The following RNF214 variants were observed in gnomAD, a reference collection of about 807,000 sequenced individuals.
RNF214 encodes the protein ring finger protein 214.
In RNF214, 25 loss-of-function variants were observed where a neutral mutation model predicts 75.9. That is an observed-to-expected ratio of 0.33 (90% confidence interval 0.24 to 0.46). The LOEUF is 0.46. RNF214 is among the 20% of genes least tolerant of loss of function. The pLI is 1.00. For synonymous variants in RNF214, 314 were observed against 308.8 expected (o/e 1.02, Z -0.18); for missense variants, 725 against 857.5 (o/e 0.85, Z 1.93).
In RNF214 at chr11:117,264,522, T is replaced by A. The variant is rs892794379; in HGVS notation, c.960-15386T>A. 2.6e-5 allele frequency among the ~76,000 whole-genome samples: 4 copies of A among 152,102 alleles called. No individual in the cohort carries two copies. The East Asian group carries it at 7.7e-4, about 29-fold the overall frequency. ...ACACCTACTATGTACCCACAAAAAT[T>A]AAAAATTAAAAAAATTGTTTTAAGT... On this transcript the variant is annotated intron_variant, in intron 6 of 14. Coordinates refer to ENST00000300650, the MANE Select transcript of RNF214 (RefSeq NM_207343.4).
chr11:117,285,663 G>A lies in RNF214; in HGVS notation c.*512G>A, dbSNP rs1185187665. ...ACTCTACTCCAAATGGATAAAATGAGACTCTGATTGAGGAAAAAAAAGTAA... is the reference window on the plus strand; with the variant it reads ...ACTCTACTCCAAATGGATAAAATGAAACTCTGATTGAGGAAAAAAAAGTAA... On this transcript the variant is annotated 3_prime_UTR_variant, in exon 15 of 15. Transcript: ENST00000300650. The A allele has an allele frequency of 1.3e-5, 2 of 152,628 alleles. No homozygotes were observed. The highest frequency in any genetic ancestry group is 4.8e-5 in the African/African-American group (2 of 41,406). The allele number at this position is 152,628 out of a possible 1,614,324, so 9.5% of individuals were successfully genotyped here.
intron 2 of RNF214, among the ~76,000 whole-genome samples, chr11:117,234,799 T>A (rs1451130457): frequency 6.6e-6 from 1 of 152,192 alleles, no homozygotes; most frequent in Non-Finnish European, 1.5e-5. Flanking sequence ...CATTGTTATG[T>A]ACAGTGTTGA....
chr11:117,240,845 C>T (rs1054404501), intron 4 of RNF214, among the ~76,000 whole-genome samples: 1 of 151,876 alleles, frequency 6.6e-6, no homozygotes, highest in African/African-American at 2.4e-5. Context: ...AGTTTGAGAC[C>T]AGCCTGACTA....
At chr11:117,249,328 G>C (rs1011873473) in intron 6 of RNF214, among the ~76,000 whole-genome samples, 1 of 151,948 alleles carries the variant, frequency 6.6e-6, no homozygotes, top group African/African-American at 2.4e-5. Flanking sequence ...TGATTGAATT[G>C]CTACAGATGG....
chr11:117,283,508 C>T (rs2034171878), intron 14 of RNF214, among the ~76,000 whole-genome samples: 1 of 151,866 alleles, frequency 6.6e-6, no homozygotes, highest in Non-Finnish European at 1.5e-5. Context: ...CTACAGGCGC[C>T]TGCCAACATG....
chr11:117,239,785 CTT>C lies in RNF214; in HGVS notation c.619-11_619-10del, dbSNP rs758843561. The C allele has an allele frequency of 6.9e-7, 1 of 1,443,308 alleles. No homozygotes were observed. Among genetic ancestry groups the C allele is most frequent in the Non-Finnish European group, 9.8e-7 (1 of 1,025,234 alleles). 89.4% of individuals were successfully genotyped at this position (1,443,308 alleles called of 1,614,324 possible). ...TGTCTCTGAACGATTCTAAATATAA[CTT>C]TTTTCCTTTATAGACTGACTTTAAG... On this transcript the variant is annotated splice_polypyrimidine_tract_variant and intron_variant, in intron 3 of 14. Coordinates refer to ENST00000300650, the MANE Select transcript of RNF214 (RefSeq NM_207343.4).
chr11:117,283,540 T>C (rs541873481), intron 14 of RNF214, among the ~76,000 whole-genome samples: 2 of 152,186 alleles, frequency 1.3e-5, no homozygotes, highest in South Asian at 2.1e-4. Flanking sequence ...TTTGTATTTT[T>C]AGTAGAGACA....
chr11:117,245,194 C>T (rs2033182761), intron 5 of RNF214, among the ~76,000 whole-genome samples: 1 of 150,358 alleles, frequency 6.7e-6, no homozygotes, highest in Non-Finnish European at 1.5e-5. Context: ...TGGTGTGCAC[C>T]TGTGGTCCCA....
chr11:117,250,609 A>ATT (rs58692621), intron 6 of RNF214, among the ~76,000 whole-genome samples: 25 of 63,156 alleles, frequency 4.0e-4, no homozygotes, highest in East Asian at 1.6e-3. Flanking sequence ...TTATTTATTT[A>ATT]TTTTTTTTTT....
intron 1 of RNF214, 151 bp from the exon 2 acceptor site, chr11:117,234,116 T>C: frequency 1.6e-6 from 1 of 621,316 alleles, no homozygotes; most frequent in Non-Finnish European, 2.9e-6. Context: ...CAATGTCTCT[T>C]TTAGTACTCT....
intron 6 of RNF214, among the ~76,000 whole-genome samples, chr11:117,266,394 C>CT (rs1164956587): frequency 1.3e-5 from 2 of 152,032 alleles, no homozygotes; most frequent in Non-Finnish European, 2.9e-5. Context: ...GGGTCTCACT[C>CT]TGTCACCCAG....
At chr11:117,272,937 C>G (rs911053577) in intron 6 of RNF214, among the ~76,000 whole-genome samples, 1 of 152,036 alleles carries the variant, frequency 6.6e-6, no homozygotes, top group Admixed American at 6.6e-5. Flanking sequence ...TCAGTATATA[C>G]TGAACCAGAA....
chr11:117,243,745 C>A (rs1211455565), intron 4 of RNF214, among the ~76,000 whole-genome samples: 1 of 151,832 alleles, frequency 6.6e-6, no homozygotes, highest in Non-Finnish European at 1.5e-5. Flanking sequence ...TTGGTAGAGA[C>A]CAGGTATTAC....
chr11:117,269,976 A>G (rs967365440), intron 6 of RNF214, among the ~76,000 whole-genome samples: 1 of 152,176 alleles, frequency 6.6e-6, no homozygotes, highest in African/African-American at 2.4e-5. Flanking sequence ...TCTTACCTGG[A>G]CGTGTTGATG....
At chr11:117,236,306 C>T (rs2032909211) in intron 2 of RNF214, among the ~76,000 whole-genome samples, 1 of 150,804 alleles carries the variant, frequency 6.6e-6, no homozygotes, top group Non-Finnish European at 1.5e-5. Flanking sequence ...TGGCATCTTG[C>T]TCCGTCACCC....
In RNF214 at chr11:117,272,131, C is replaced by G. The variant is rs1333474276; in HGVS notation, c.960-7777C>G. ...CCTGTAGCTACTTGGGAGGCTGAGG[C>G]AGGAGAATCACTAGAGCCCATGAGT... is the stretch of plus-strand genomic sequence containing the variant. On this transcript the variant is annotated intron_variant, in intron 6 of 14. Transcript: ENST00000300650. Among the ~76,000 whole-genome samples the G allele has an allele frequency of 2.6e-5, 4 of 152,078 alleles. No homozygotes were observed. The South Asian group carries it at 8.3e-4, about 31-fold the overall frequency.
chr11:117,283,087 T>A (rs1306329122), intron 13 of RNF214, 28 bp from the exon 14 acceptor site: 20 of 1,553,254 alleles, frequency 1.3e-5, no homozygotes, highest in Non-Finnish European at 1.7e-5. Context: ...GTTCCTTACC[T>A]TTTGATCATG....
At chr11:117,239,995 G>A in intron 4 of RNF214, 135 bp downstream of exon 4, 1 of 595,252 alleles carries the variant, frequency 1.7e-6, no homozygotes, top group Non-Finnish European at 3.0e-6. Context: ...ACTTTTCCTT[G>A]ATCACTTCCA....
intron 6 of RNF214, among the ~76,000 whole-genome samples, chr11:117,265,808 C>T (rs1555056562): frequency 6.6e-6 from 1 of 152,140 alleles, no homozygotes; most frequent in Non-Finnish European, 1.5e-5. Flanking sequence ...TGAGTTTTGA[C>T]ATATTAATTA....
Sources: gnomAD v4.1 joint callset for allele counts (sites outside exome capture counted in the v4.1 genomes callset) on GRCh38, gnomAD v4.1.1 for gene constraint, MANE v1.5 for transcripts, NCBI Gene and HGNC (gene_info 2026-07-23, HGNC 2026-07-21) for gene names.